Variants in LRRC51 observed in about 807,000 individuals in gnomAD.
The protein encoded by LRRC51 is leucine-rich repeat-containing protein 51.
Under a neutral mutation model 17.8 loss-of-function variants are expected in LRRC51, and 8 were observed. The observed-to-expected ratio is 0.45, with a 90% CI of 0.26 to 0.81. The LOEUF (loss-of-function observed/expected upper bound fraction) is 0.81, where lower values mean the gene tolerates loss of function less well. Among genes scored for constraint, LRRC51 ranks in the 30% least tolerant of loss-of-function variants. The pLI is 0.17. For missense variants in LRRC51, 233 were observed against 239.3 expected (o/e 0.97, Z 0.17); for synonymous variants, 92 against 96.0 (o/e 0.96, Z 0.24).
chr11:72,088,891 A>T, intron 2 of LRRC51, 138 bp from the exon 3 acceptor site: 1 of 975,660 alleles, frequency 1.0e-6, no homozygotes, highest in Non-Finnish European at 1.5e-6. Flanking sequence ...GATGCAAGGA[A>T]GAGTGATTTC....
At chr11:72,082,612 G>A (rs941587376) in intron 1 of LRRC51, among the ~76,000 whole-genome samples, 1 of 152,162 alleles carries the variant, frequency 6.6e-6, no homozygotes, top group Non-Finnish European at 1.5e-5. Context: ...ATCTCTTCCA[G>A]TGCTCCTACC....
chr11:72,087,714 T>C (rs994057207), intron 1 of LRRC51, among the ~76,000 whole-genome samples: 5 of 152,356 alleles, frequency 3.3e-5, no homozygotes, highest in African/African-American at 1.2e-4. Flanking sequence ...ACAGGTAGGC[T>C]AGTCCAAATT....
intron 1 of LRRC51, among the ~76,000 whole-genome samples, chr11:72,087,150 C>A (rs1240671709): frequency 6.6e-6 from 1 of 152,124 alleles, no homozygotes; most frequent in Admixed American, 6.5e-5. Context: ...TTTTTCAGAA[C>A]AAGACATTCA....
intron 2 of LRRC51, chr11:72,088,826 G>A (rs1448309356): frequency 1.7e-6 from 1 of 574,042 alleles, no homozygotes; most frequent in Non-Finnish European, 3.0e-6. Context: ...TCTCAAATGA[G>A]TTCTAAGAGA....
intron 3 of LRRC51, among the ~76,000 whole-genome samples, chr11:72,093,155 T>G (rs1477541967): frequency 6.6e-6 from 1 of 152,272 alleles, no homozygotes; most frequent in Non-Finnish European, 1.5e-5. Context: ...CAGGATTTTG[T>G]GCTATCATCT....
chr11:72,095,278 G>A, intron 5 of LRRC51, 101 bp from the exon 6 acceptor site: 1 of 1,606,208 alleles, frequency 6.2e-7, no homozygotes, highest in South Asian at 1.1e-5. Context: ...CTATGCTCAA[G>A]TCCCTCCATT....
chr11:72,089,259 G>C (rs760604535), intron 3 of LRRC51, 94 bp downstream of exon 3: 1 of 1,591,206 alleles, frequency 6.3e-7, no homozygotes, highest in Non-Finnish European at 8.6e-7. Context: ...AGCCTAAAGA[G>C]ATTCTTCCCA....
chr11:72,088,972 A>G lies in LRRC51; in HGVS notation c.-55-57A>G, dbSNP rs1324810398. 1.8e-5 allele frequency: 29 copies of G among 1,597,164 alleles called. No homozygotes were observed. In the Admixed American group the frequency reaches 4.3e-4, roughly 23 times the overall value. On this transcript the variant is annotated intron_variant, in intron 2 of 5. Coordinates refer to ENST00000289488, the MANE Select transcript of LRRC51 (RefSeq NM_145309.6). ...GGACAGAAAGCAGGGATGGAGGACT[A>G]TGGGGAAACCTGAAAGCCGGTGTAC...
intron 1 of LRRC51, 79 bp from the exon 2 acceptor site, chr11:72,088,218 C>A: frequency 1.7e-6 from 1 of 589,468 alleles, no homozygotes; most frequent in East Asian, 2.9e-5. Context: ...CTTTAGCTAA[C>A]AAATTGGAAA....
chr11:72,081,868 G>A (rs1944230834), intron 1 of LRRC51, among the ~76,000 whole-genome samples: 1 of 151,946 alleles, frequency 6.6e-6, no homozygotes, highest in Non-Finnish European at 1.5e-5. Flanking sequence ...TCTCTCTTTT[G>A]ATACTCTTAA....
intron 1 of LRRC51, among the ~76,000 whole-genome samples, chr11:72,084,141 C>T (rs1944397058): frequency 1.3e-5 from 2 of 152,162 alleles, no homozygotes; most frequent in African/African-American, 2.4e-5. Context: ...GGACTATAGG[C>T]GTGAGCTGCC....
At chr11:72,084,403 T>G (rs1944409434) in intron 1 of LRRC51, among the ~76,000 whole-genome samples, 1 of 152,210 alleles carries the variant, frequency 6.6e-6, no homozygotes, top group East Asian at 1.9e-4. Flanking sequence ...AACTTGGGAT[T>G]GGTTAAATAA....
At chr11:72,090,793 TATACA>T (rs1251348923) in intron 3 of LRRC51, among the ~76,000 whole-genome samples, 1 of 152,166 alleles carries the variant, frequency 6.6e-6, no homozygotes, top group African/African-American at 2.4e-5. Flanking sequence ...TCCCCCACCA[TATACA>T]CCTACCAACA....
intron 1 of LRRC51, chr11:72,086,208 G>A (rs940359037): frequency 5.8e-5 from 34 of 581,212 alleles, no homozygotes; most frequent in South Asian, 8.5e-5. Context: ...ACTGAGTGTT[G>A]AAACATGAGA....
intron 4 of LRRC51, chr11:72,094,549 G>A (rs1380569617): frequency 1.6e-6 from 1 of 609,650 alleles, no homozygotes; most frequent in Non-Finnish European, 2.9e-6. Context: ...TTCCCCTGGT[G>A]TGGTGATCTC....
intron 1 of LRRC51, among the ~76,000 whole-genome samples, chr11:72,084,861 C>CGT (rs55904624): frequency 1.9e-3 from 237 of 124,304 alleles, no homozygotes; most frequent in Middle Eastern, 8.1e-3. Context: ...AAAAGAAAAC[C>CGT]GTGTGTGTGT....
chr11:72,081,951 GC>G (rs565475758), intron 1 of LRRC51, among the ~76,000 whole-genome samples: 27 of 152,260 alleles, frequency 1.8e-4, no homozygotes, highest in African/African-American at 6.3e-4. Flanking sequence ...AAAGGGACTT[GC>G]CCAAGGCCAC....
intron 3 of LRRC51, among the ~76,000 whole-genome samples, chr11:72,091,758 CT>C (rs950133461): frequency 3.3e-5 from 5 of 152,136 alleles, no homozygotes; most frequent in African/African-American, 1.2e-4. Flanking sequence ...TCCATTCACT[CT>C]TTTTTTGGTA....
chr11:72,081,390 C>T (rs758664653), intron 1 of LRRC51, among the ~76,000 whole-genome samples: 43 of 152,194 alleles, frequency 2.8e-4, no homozygotes, highest in Admixed American at 1.4e-3. Flanking sequence ...AACTACACTC[C>T]AGCCTGGGCT....
Sources: gnomAD v4.1 joint callset for allele counts (sites outside exome capture counted in the v4.1 genomes callset) on GRCh38, gnomAD v4.1.1 for gene constraint, MANE v1.5 for transcripts, NCBI Gene and HGNC (gene_info 2026-07-23, HGNC 2026-07-21) for gene names.